Variants in CTNNA2 observed in about 807,000 individuals in gnomAD.
CTNNA2 encodes catenin alpha 2.
In CTNNA2, 42 loss-of-function variants were observed where a neutral mutation model predicts 101.0. The observed-to-expected ratio is 0.42, with a 90% confidence interval of 0.32 to 0.54. The LOEUF (loss-of-function observed/expected upper bound fraction) is 0.54. Ranked by LOEUF, CTNNA2 falls within the 20% of genes least tolerant of loss-of-function variation. CTNNA2 has a pLI of 0.14. For missense variants in CTNNA2, 871 were observed against 1,223.1 expected (o/e 0.71, Z 4.29); for synonymous variants, 450 against 456.4 (o/e 0.99, Z 0.18).
rs141457824 is a variant in CTNNA2 at position 80,061,667 on chromosome 2, A to G, written c.1056+151870A>G. On this transcript the variant is annotated intron_variant, in intron 7 of 18. Coordinates refer to ENST00000402739, the MANE Select transcript of CTNNA2 (RefSeq NM_001282597.3). ...AATACTTCCTTTTTTGTTCAAATAT[A>G]TATATATGCATCTATCATTACATTT... Among the ~76,000 whole-genome samples, 1,268 of 152,286 alleles carry G rather than the reference A, an allele frequency of 8.3e-3. 6 individuals carry two copies. Among genetic ancestry groups the G allele is most frequent in the African/African-American group, 0.028 (1,184 of 41,556 alleles).
intron 7 of CTNNA2, among the ~76,000 whole-genome samples, chr2:80,173,023 A>C (rs1705167922): frequency 6.6e-6 from 1 of 152,190 alleles, no homozygotes; most frequent in East Asian, 1.9e-4. Context: ...GGGAAGGGGT[A>C]CAATTCAATC....
chr2:80,311,319 A>G (rs1677559081), intron 7 of CTNNA2, among the ~76,000 whole-genome samples: 1 of 152,202 alleles, frequency 6.6e-6, no homozygotes, highest in Admixed American at 6.5e-5. Context: ...TTCATCCTCA[A>G]TAGTTGCTTT....
chr2:80,252,677 G>T (rs756720250), intron 7 of CTNNA2, among the ~76,000 whole-genome samples: 12 of 152,186 alleles, frequency 7.9e-5, no homozygotes, highest in Non-Finnish European at 1.0e-4. Flanking sequence ...AAAATAAATT[G>T]CCCTGTAGTT....
In CTNNA2 at chr2:80,647,989, G is replaced by T; in HGVS notation, c.*117G>T. On this transcript the variant is annotated 3_prime_UTR_variant, in exon 19 of 19. Coordinates refer to ENST00000402739, the MANE Select transcript of CTNNA2 (RefSeq NM_001282597.3). ...TATGCCTCTGGCATGGGGAAATTAA[G>T]GGAACAGTGTCTGTTTGCATGTAAG... is the stretch of plus-strand genomic sequence containing the variant. The T allele has an allele frequency of 1.1e-6, 1 of 938,978 alleles. No individual in the cohort carries two copies. The highest frequency in any genetic ancestry group is 2.6e-5 in the East Asian group (1 of 38,258). 58.2% of individuals were successfully genotyped at this position (938,978 alleles called of 1,614,324 possible). A position where few individuals can be genotyped will look rare whatever the true frequency, so the allele number is the denominator to read the frequency against.
At position 80,143,956 on chromosome 2, in the gene CTNNA2, G is replaced by C. The variant is rs114239714; in HGVS notation, c.1056+234159G>C. Among the ~76,000 whole-genome samples, 993 of 152,256 alleles carry C rather than the reference G, an allele frequency of 6.5e-3. 11 individuals are homozygous for C. Among genetic ancestry groups the C allele is most frequent in the African/African-American group, 0.022 (914 of 41,550 alleles). On this transcript the variant is annotated intron_variant, in intron 7 of 18. Coordinates refer to ENST00000402739, the MANE Select transcript of CTNNA2 (RefSeq NM_001282597.3). Reference sequence around the variant, plus strand: ...GCAGTCACATCTCATGTTTAGTATAGTTGTCATTAACAATTTCAAAGTTTT... The same window carrying C: ...GCAGTCACATCTCATGTTTAGTATACTTGTCATTAACAATTTCAAAGTTTT...
intron 7 of CTNNA2, among the ~76,000 whole-genome samples, chr2:80,376,055 G>T (rs902098911): frequency 6.6e-6 from 1 of 152,128 alleles, no homozygotes; most frequent in Non-Finnish European, 1.5e-5. Context: ...CCAGGATAAG[G>T]TCTGAAGGTC....
intron 2 of CTNNA2, among the ~76,000 whole-genome samples, chr2:79,743,592 G>A (rs1347981443): frequency 1.3e-5 from 2 of 149,344 alleles, no homozygotes; most frequent in African/African-American, 2.5e-5. Flanking sequence ...AGAGTACAAT[G>A]GCACGATCTA....
In CTNNA2 at chr2:79,998,972, C is replaced by A. The variant is rs143558421; in HGVS notation, c.1056+89175C>A. ...GCCTTCTCCATAGGGTACATACTCA[C>A]TAGGACATTAGGGATTGAAGACAAT... On this transcript the variant is annotated intron_variant, in intron 7 of 18. Coordinates refer to ENST00000402739, the MANE Select transcript of CTNNA2 (RefSeq NM_001282597.3). Among the ~76,000 whole-genome samples, 340 of 152,198 alleles carry A rather than the reference C, an allele frequency of 2.2e-3. 4 individuals carry two copies. The East Asian group carries it at 0.042, about 19-fold the overall frequency.
chr2:79,266,389 C>T (rs761583244), intron 2 of CTNNA2, among the ~76,000 whole-genome samples: 39 of 152,180 alleles, frequency 2.6e-4, no homozygotes, highest in Non-Finnish European at 5.4e-4. Context: ...GTCAGTTACC[C>T]ACCGTGGTAA....
At chr2:80,504,588 C>A (rs537996766) in intron 9 of CTNNA2, among the ~76,000 whole-genome samples, 2 of 152,222 alleles carry the variant, frequency 1.3e-5, no homozygotes, top group South Asian at 4.1e-4. Flanking sequence ...CCAGAGAGAG[C>A]AAGGACAGTC....
intron 3 of CTNNA2, among the ~76,000 whole-genome samples, chr2:79,851,318 T>C (rs1241028598): frequency 6.6e-6 from 1 of 152,242 alleles, no homozygotes; most frequent in African/African-American, 2.4e-5. Context: ...TTACATTGCC[T>C]TACAGACTCT....
intron 7 of CTNNA2, among the ~76,000 whole-genome samples, chr2:80,353,843 C>T (rs1673536265): frequency 6.6e-6 from 1 of 152,110 alleles, no homozygotes; most frequent in South Asian, 2.1e-4. Flanking sequence ...TAAATAATAT[C>T]TTAGTGGCTT....
intron 11 of CTNNA2, 124 bp downstream of exon 11, chr2:80,546,187 T>C (rs1692044380): frequency 3.4e-6 from 4 of 1,192,596 alleles, no homozygotes; most frequent in Non-Finnish European, 4.6e-6. Context: ...TTGAGCTTTT[T>C]TGATCATCTC....
chr2:80,226,067 C>CT (rs1422868503), intron 7 of CTNNA2, among the ~76,000 whole-genome samples: 2 of 152,200 alleles, frequency 1.3e-5, no homozygotes, highest in East Asian at 1.9e-4. Flanking sequence ...GTTTAATAAT[C>CT]TTTTTTTCTG....
intron 10 of CTNNA2, among the ~76,000 whole-genome samples, chr2:80,545,504 C>A (rs1311626169): frequency 6.6e-6 from 1 of 152,100 alleles, no homozygotes; most frequent in African/African-American, 2.4e-5. Flanking sequence ...TGGGATTGTG[C>A]CACTATACTC....
At chr2:79,422,398 C>G (rs1436698019) in intron 4 of CTNNA2, among the ~76,000 whole-genome samples, 1 of 152,074 alleles carries the variant, frequency 6.6e-6, no homozygotes, top group Non-Finnish European at 1.5e-5. Flanking sequence ...GTGTGTAGAG[C>G]CCAGGCATGC....
At position 79,378,392 on chromosome 2, in the gene CTNNA2, G is replaced by A. The variant is rs951629992; in HGVS notation, c.-135+4379G>A. On this transcript the variant is annotated intron_variant, in intron 4 of 21. Transcript: ENST00000466387. ...TTGTGTAAATAAATATACATGTATT[G>A]TAGGGTATGCTCTAGTTTTGTTTAT... 2.6e-5 allele frequency among the ~76,000 whole-genome samples: 4 copies of A among 152,154 alleles called. No individual in the cohort carries two copies. The South Asian group carries it at 8.3e-4, about 32-fold the overall frequency.
At chr2:79,530,396 G>A (rs530882252) in intron 1 of CTNNA2, among the ~76,000 whole-genome samples, 1 of 152,184 alleles carries the variant, frequency 6.6e-6, no homozygotes, top group Non-Finnish European at 1.5e-5. Flanking sequence ...TCGATAAAAA[G>A]GAAACATATC....
intron 2 of CTNNA2, among the ~76,000 whole-genome samples, chr2:79,272,133 C>G (rs1368953): frequency 4.0e-5 from 6 of 151,702 alleles, no homozygotes; most frequent in Non-Finnish European, 5.9e-5. Context: ...TACGATACCC[C>G]TTTTATAAAG....
Sources: allele counts gnomAD v4.1 joint callset (sites outside exome capture counted in the v4.1 genomes callset), GRCh38; gene constraint gnomAD v4.1.1; transcripts MANE v1.5; gene names NCBI Gene and HGNC (gene_info 2026-07-23, HGNC 2026-07-21).